The following CTSV variants were observed in gnomAD, a reference collection of about 807,000 sequenced individuals.
CTSV encodes the protein cathepsin L2.
Under a neutral mutation model 35.6 loss-of-function variants are expected in CTSV, and 33 were observed. The ratio of observed to expected loss-of-function variants is 0.93; its 90% CI spans 0.70 to 1.24. The LOEUF (loss-of-function observed/expected upper bound fraction) is 1.24, where lower values mean the gene tolerates loss of function less well. CTSV is among the 50% of genes most tolerant of loss of function. The pLI is 0.00. For missense variants in CTSV, 408 were observed against 413.1 expected (o/e 0.99, Z 0.11); for synonymous variants, 154 against 147.1 (o/e 1.05, Z -0.34).
rs1415657825 is a variant in CTSV at position 97,029,960 on chromosome 9, T to C, written c.*2989A>G. On this transcript the variant is annotated 3_prime_UTR_variant, in exon 8 of 8. Transcript: ENST00000259470. Reference sequence around the variant, plus strand: ...TGCGTAGCTTAGGAGCAACAGGCTGTACCATATAGCCTAGGTGTGTAATAG... The same window carrying C: ...TGCGTAGCTTAGGAGCAACAGGCTGCACCATATAGCCTAGGTGTGTAATAG... The C allele has an allele frequency of 6.6e-6, 1 of 152,268 alleles. No homozygotes were observed. 9.4% of individuals were successfully genotyped at this position (152,268 alleles called of 1,614,324 possible). A position where few individuals can be genotyped will look rare whatever the true frequency, so the allele number is the denominator to read the frequency against.
At chr9:97,033,239 G>A (rs988997668) in intron 7 of CTSV, among the ~76,000 whole-genome samples, 191 bp from the exon 8 acceptor site, 8 of 152,146 alleles carry the variant, frequency 5.3e-5, no homozygotes, top group Non-Finnish European at 1.0e-4. Flanking sequence ...CACTTTGGGA[G>A]GCCGAGGTGG....
In CTSV at chr9:97,032,548, C is replaced by T. The variant is rs568615996; in HGVS notation, c.*401G>A. On this transcript the variant is annotated 3_prime_UTR_variant, in exon 8 of 8. Coordinates refer to ENST00000259470, the MANE Select transcript of CTSV (RefSeq NM_001333.4). ...CAAGAGCCAGGAAGCCAGCTTTCTGCTAGCATCTTTCTCCTAACATACCAT... is the reference window on the plus strand; with the variant it reads ...CAAGAGCCAGGAAGCCAGCTTTCTGTTAGCATCTTTCTCCTAACATACCAT... 6.4e-6 allele frequency: 1 copy of T among 157,318 alleles called. No homozygotes were observed. Among genetic ancestry groups the T allele is most frequent in the South Asian group, 2.0e-4 (1 of 4,914 alleles). 9.7% of individuals were successfully genotyped at this position (157,318 alleles called of 1,614,324 possible). A position where few individuals can be genotyped will look rare whatever the true frequency, so the allele number is the denominator to read the frequency against.
rs960547274 is a variant in CTSV at position 97,030,658 on chromosome 9, G to A, written c.*2291C>T. 11 of 152,166 alleles carry A rather than the reference G, an allele frequency of 7.2e-5. No homozygotes were observed. In the South Asian group the frequency reaches 1.2e-3, roughly 17 times the overall value. 9.4% of individuals were successfully genotyped at this position (152,166 alleles called of 1,614,324 possible). On this transcript the variant is annotated 3_prime_UTR_variant, in exon 8 of 8. Transcript: ENST00000259470. ...TAACTAAAAGTATTCCTTCCCAAAC[G>A]AAACAAAGGCATGGGGTCTGGCTAG... is the stretch of plus-strand genomic sequence containing the variant.
Position 97,036,640 on chromosome 9 carries a change from G to A in CTSV, c.504C>T (p.Asp168=). Residue 168 remains aspartate (D), a synonymous_variant, in exon 5 of 8, where the codon GAC becomes GAT. Coordinates refer to ENST00000259470, the MANE Select transcript of CTSV (RefSeq NM_001333.4). Reference sequence around the variant, plus strand: ...CCTGATTGCCTTGAGGACGCGAACAGTCCACCAGATTCTGCTCGCTCAGTG... The same window carrying A: ...CCTGATTGCCTTGAGGACGCGAACAATCCACCAGATTCTGCTCGCTCAGTG... ...LVSLSEQNLV[D]CSRPQGNQGC... 1 of 1,613,976 alleles carries A rather than the reference G, an allele frequency of 6.2e-7. No individual in the cohort carries two copies. Among genetic ancestry groups the A allele is most frequent in the South Asian group, 1.1e-5 (1 of 91,070 alleles).
rs1828723918 is a variant in CTSV at position 97,030,485 on chromosome 9, AAATTAAAG to A, written c.*2456_*2463del. The A allele has an allele frequency of 6.6e-6, 1 of 152,200 alleles. No individual in the cohort carries two copies. Among genetic ancestry groups the A allele is most frequent in the African/African-American group, 2.4e-5 (1 of 41,448 alleles). The allele number at this position is 152,200 out of a possible 1,614,324, so 9.4% of individuals were successfully genotyped here. ...AGACCCTAACCCAGAGGCGCTAGAGAAATTAAAGACACACACCCAGAAATATAGCATGC... is the reference window on the plus strand; with the variant it reads ...AGACCCTAACCCAGAGGCGCTAGAGAACACACACCCAGAAATATAGCATGC... On this transcript the variant is annotated 3_prime_UTR_variant, in exon 8 of 8. Coordinates refer to ENST00000259470, the MANE Select transcript of CTSV (RefSeq NM_001333.4).
At position 97,037,932 on chromosome 9, in the gene CTSV, T is replaced by G. The variant is rs141263037; in HGVS notation, c.112A>C (p.Arg38=). The part of the protein sequence containing the change: ...KWYQWKATHR[R]LYGANEEGWR... ...ATGTTACCAACCGCGCCATATAATC[T>G]TCTGTGTGTTGCCTTCCACTGGTAC... Residue 38 remains arginine, a synonymous_variant, in exon 2 of 8, where the codon AGA becomes CGA. Transcript: ENST00000259470. 43 of 1,613,928 alleles carry G rather than the reference T, an allele frequency of 2.7e-5. No homozygotes were observed. Among genetic ancestry groups the G allele is most frequent in the Middle Eastern group, 3.3e-4 (2 of 6,084 alleles).
At chr9:97,033,136 CT>C in intron 7 of CTSV, 88 bp from the exon 8 acceptor site, 2 of 800,858 alleles carry the variant, frequency 2.5e-6, no homozygotes, top group Non-Finnish European at 4.2e-6. Context: ...TTAAACAGTG[CT>C]TCCCATGTGT....
chr9:97,038,704 G>A (rs1222834469), intron 1 of CTSV, among the ~76,000 whole-genome samples: 1 of 152,154 alleles, frequency 6.6e-6, no homozygotes, highest in Non-Finnish European at 1.5e-5. Flanking sequence ...CGGAGCTCCG[G>A]GCGGGCCAGG....
chr9:97,033,666 C>T (rs888598612), intron 7 of CTSV, among the ~76,000 whole-genome samples: 19 of 150,474 alleles, frequency 1.3e-4, no homozygotes, highest in Admixed American at 1.1e-3. Flanking sequence ...GGCGTGGTGG[C>T]GCATGCCTAT....
In CTSV at chr9:97,032,705, A is replaced by G. The variant is rs1564073733; in HGVS notation, c.*244T>C. The G allele has an allele frequency of 1.1e-5, 4 of 376,658 alleles. No homozygotes were observed. The highest frequency in any genetic ancestry group is 1.9e-5 in the Non-Finnish European group (4 of 213,170). The allele number at this position is 376,658 out of a possible 1,614,324, so 23.3% of individuals were successfully genotyped here. A position where few individuals can be genotyped will look rare whatever the true frequency, so the allele number is the denominator to read the frequency against. On this transcript the variant is annotated 3_prime_UTR_variant, in exon 8 of 8. Transcript: ENST00000259470. The stretch of plus-strand genomic sequence containing the variant: ...CAAACTGTTTTGTACATCTTTTTAA[A>G]AAATGAAAATTCAAAAGTCTTAGAA...
intron 2 of CTSV, 116 bp downstream of exon 2, chr9:97,037,802 G>C (rs1828881801): frequency 7.0e-7 from 1 of 1,433,404 alleles, no homozygotes; most frequent in East Asian, 2.3e-5. Flanking sequence ...AATGGGTGCT[G>C]TTAGGTTATT....
At position 97,037,377 on chromosome 9, in the gene CTSV, TC is replaced by T; in HGVS notation, c.270del (p.Met91Ter). The T allele has an allele frequency of 6.2e-7, 1 of 1,614,176 alleles. No individual in the cohort carries two copies. The highest frequency in any genetic ancestry group is 1.1e-5 in the South Asian group (1 of 91,076). ...FGDMTNEEFR[Q>X]MMGCFRNQKF... ...TTCTGGTTTCGAAAGCAACCCATCA[TC>T]TGCCTGAATTCTTCATTGGTCTTCA... is the stretch of plus-strand genomic sequence containing the variant. On this transcript the variant is annotated frameshift_variant, in exon 4 of 8. Transcript: ENST00000259470. LOFTEE classifies it high-confidence loss of function.
rs1828734906 is a variant in CTSV, at chr9:97,030,938, A to T, written c.*2011T>A. 1 of 152,232 alleles carries T rather than the reference A, an allele frequency of 6.6e-6. No individual in the cohort carries two copies. Among genetic ancestry groups the T allele is most frequent in the South Asian group, 2.1e-4 (1 of 4,834 alleles). The allele number at this position is 152,232 out of a possible 1,614,324, so 9.4% of individuals were successfully genotyped here. On this transcript the variant is annotated 3_prime_UTR_variant, in exon 8 of 8. Coordinates refer to ENST00000259470, the MANE Select transcript of CTSV (RefSeq NM_001333.4). ...TCTGTGCTTCAGACTAGATTTTTCA[A>T]GTCTACTGGCTTGTTTGAAAAACGC...
chr9:97,033,101 C>T lies in CTSV; in HGVS notation c.906-53G>A. The stretch of plus-strand genomic sequence containing the variant: ...ATACAAGGAATCAAGGGAAAATTGG[C>T]TCCATTAATAATAATAGCTAATACT... On this transcript the variant is annotated intron_variant, in intron 7 of 7. Coordinates refer to ENST00000259470, the MANE Select transcript of CTSV (RefSeq NM_001333.4). 3 of 1,221,912 alleles carry T rather than the reference C, an allele frequency of 2.5e-6. No individual in the cohort carries two copies. In the South Asian group the frequency reaches 3.8e-5, roughly 16 times the overall value. The allele number at this position is 1,221,912 out of a possible 1,614,324, so 75.7% of individuals were successfully genotyped here.
At position 97,032,062 on chromosome 9, in the gene CTSV, A is replaced by T. The variant is rs1377478516; in HGVS notation, c.*887T>A. 6.6e-6 allele frequency: 1 copy of T among 152,240 alleles called. No homozygotes were observed. The highest frequency in any genetic ancestry group is 1.5e-5 in the Non-Finnish European group (1 of 68,044). 9.4% of individuals were successfully genotyped at this position (152,240 alleles called of 1,614,324 possible). ...CCTAACCATCTTGAGGTTATGTGTCAAAGGAAGAAGACATTTCCTTTTCTA... is the reference window on the plus strand; with the variant it reads ...CCTAACCATCTTGAGGTTATGTGTCTAAGGAAGAAGACATTTCCTTTTCTA... On this transcript the variant is annotated 3_prime_UTR_variant, in exon 8 of 8. Coordinates refer to ENST00000259470, the MANE Select transcript of CTSV (RefSeq NM_001333.4).
Position 97,035,453 on chromosome 9 carries a change from G to C in CTSV, c.787+75C>G, listed in dbSNP as rs913650220. 5.0e-6 allele frequency: 6 copies of C among 1,207,598 alleles called. No homozygotes were observed. The East Asian group carries it at 1.6e-4, about 33-fold the overall frequency. 74.8% of individuals were successfully genotyped at this position (1,207,598 alleles called of 1,614,324 possible). A position where few individuals can be genotyped will look rare whatever the true frequency, so the allele number is the denominator to read the frequency against. On this transcript the variant is annotated intron_variant, in intron 6 of 7. Transcript: ENST00000259470. ...AAAATACTACATTCCTGCAAAGCAGGATGTCATATCCAAGAATCAATCACA... is the reference window on the plus strand; with the variant it reads ...AAAATACTACATTCCTGCAAAGCAGCATGTCATATCCAAGAATCAATCACA...
rs1828717253 is a variant in CTSV, at chr9:97,030,167, A to T, written c.*2782T>A. On this transcript the variant is annotated 3_prime_UTR_variant, in exon 8 of 8. Coordinates refer to ENST00000259470, the MANE Select transcript of CTSV (RefSeq NM_001333.4). ...TTCTTCTTTGCTTTTTAGAAATTTT[A>T]TCAGTTACAAAAGGAAATAACATTT... is the stretch of plus-strand genomic sequence containing the variant. The T allele has an allele frequency of 6.6e-6, 1 of 152,208 alleles. No individual in the cohort carries two copies. Among genetic ancestry groups the T allele is most frequent in the Non-Finnish European group, 1.5e-5 (1 of 68,024 alleles). The allele number at this position is 152,208 out of a possible 1,614,324, so 9.4% of individuals were successfully genotyped here. A position where few individuals can be genotyped will look rare whatever the true frequency, so the allele number is the denominator to read the frequency against.
In CTSV at chr9:97,032,903, C is replaced by T; in HGVS notation, c.*46G>A. 1 of 1,411,940 alleles carries T rather than the reference C, an allele frequency of 7.1e-7. No homozygotes were observed. Among genetic ancestry groups the T allele is most frequent in the Non-Finnish European group, 9.8e-7 (1 of 1,023,574 alleles). 87.5% of individuals were successfully genotyped at this position (1,411,940 alleles called of 1,614,324 possible). A position where few individuals can be genotyped will look rare whatever the true frequency, so the allele number is the denominator to read the frequency against. On this transcript the variant is annotated 3_prime_UTR_variant, in exon 8 of 8. Coordinates refer to ENST00000259470, the MANE Select transcript of CTSV (RefSeq NM_001333.4). ...TTGGTCAGTTTCAAGATAAAATTTCCCCAGACATGCTGTCCTTAAGTCCTT... is the reference window on the plus strand; with the variant it reads ...TTGGTCAGTTTCAAGATAAAATTTCTCCAGACATGCTGTCCTTAAGTCCTT...
intron 7 of CTSV, among the ~76,000 whole-genome samples, chr9:97,034,412 T>C (rs2119229945): frequency 6.6e-6 from 1 of 152,258 alleles, no homozygotes; most frequent in Non-Finnish European, 1.5e-5. Context: ...TGCTTACTAT[T>C]CCTTGTTGAA....
Sources: gnomAD v4.1 joint callset for allele counts (sites outside exome capture counted in the v4.1 genomes callset) on GRCh38, gnomAD v4.1.1 for gene constraint, MANE v1.5 for transcripts, NCBI Gene and HGNC (gene_info 2026-07-23, HGNC 2026-07-21) for gene names.